The following KLHL32 variants were observed in gnomAD, a reference collection of about 807,000 sequenced individuals.
KLHL32 encodes the protein kelch-like protein 32.
Under a neutral mutation model 64.8 loss-of-function variants are expected in KLHL32, and 35 were observed. The observed-to-expected ratio is 0.54, with a 90% CI of 0.41 to 0.72. The LOEUF is 0.72. Ranked by LOEUF, KLHL32 falls within the 30% of genes least tolerant of loss-of-function variation. KLHL32 has a pLI of 0.00. For missense variants in KLHL32, 589 were observed against 768.5 expected (o/e 0.77, Z 2.76); for synonymous variants, 259 against 281.0 (o/e 0.92, Z 0.78).
intron 4 of KLHL32, among the ~76,000 whole-genome samples, chr6:97,046,147 G>T (rs989822301): frequency 4.6e-5 from 7 of 152,148 alleles, no homozygotes; most frequent in African/African-American, 1.4e-4. Flanking sequence ...CAGGAAGGGG[G>T]CTGACATTTC....
chr6:96,932,691 C>T (rs928491164), intron 1 of KLHL32, among the ~76,000 whole-genome samples: 14 of 151,602 alleles, frequency 9.2e-5, no homozygotes, highest in African/African-American at 3.2e-4. Flanking sequence ...CTCAGTCTCC[C>T]ATGTAGTTGG....
chr6:97,038,680 A>T (rs1414244371), intron 3 of KLHL32, among the ~76,000 whole-genome samples: 2 of 151,984 alleles, frequency 1.3e-5, no homozygotes, highest in African/African-American at 4.8e-5. Flanking sequence ...AAAGAAGGGA[A>T]ATCAGTATAT....
At chr6:96,976,389 C>T (rs1301412164) in intron 3 of KLHL32, among the ~76,000 whole-genome samples, 1 of 152,018 alleles carries the variant, frequency 6.6e-6, no homozygotes, top group African/African-American at 2.4e-5. Context: ...TAGAACAGAC[C>T]TCCCTTGGCA....
intron 1 of KLHL32, among the ~76,000 whole-genome samples, chr6:96,964,896 TGTAA>T: frequency 6.6e-6 from 1 of 152,212 alleles, no homozygotes; most frequent in Non-Finnish European, 1.5e-5. Context: ...CATGTACATG[TGTAA>T]GTTTGTTACA....
At chr6:97,078,431 G>C (rs1421138637) in intron 5 of KLHL32, among the ~76,000 whole-genome samples, 2 of 152,126 alleles carry the variant, frequency 1.3e-5, no homozygotes, top group Non-Finnish European at 2.9e-5. Flanking sequence ...GGAAATGAAA[G>C]ATTATAATTA....
chr6:97,120,494 C>T (rs1323170680), intron 7 of KLHL32, among the ~76,000 whole-genome samples: 1 of 152,084 alleles, frequency 6.6e-6, no homozygotes, highest in Non-Finnish European at 1.5e-5. Flanking sequence ...AAATTTCTGT[C>T]GTTTTATGGT....
chr6:97,118,437 G>A (rs1798029269), intron 7 of KLHL32, among the ~76,000 whole-genome samples: 1 of 151,956 alleles, frequency 6.6e-6, no homozygotes, highest in African/African-American at 2.4e-5. Context: ...TGGCCAGCAT[G>A]GTGAAACCCC....
At position 96,943,099 on chromosome 6, in the gene KLHL32, T is replaced by TACATATAC. The variant is rs377070555; in HGVS notation, c.-66+18087_-66+18094dup. On this transcript the variant is annotated intron_variant, in intron 1 of 10. Transcript: ENST00000369261. ...GTACATACACACACATATATGCACATACATATACACATATACACATACCAG... is the reference window on the plus strand; with the variant it reads ...GTACATACACACACATATATGCACATACATATACACATATACACATATACACATACCAG... Among the ~76,000 whole-genome samples the TACATATAC allele has an allele frequency of 1.9e-3, 283 of 150,722 alleles. 2 individuals are homozygous for TACATATAC. Among genetic ancestry groups the TACATATAC allele is most frequent in the African/African-American group, 6.7e-3 (276 of 41,084 alleles).
In KLHL32 at chr6:97,048,021, A is replaced by T. The variant is rs78355936; in HGVS notation, c.312+6422A>T. 9.6e-3 allele frequency among the ~76,000 whole-genome samples: 1,459 copies of T among 152,314 alleles called. 27 individuals carry two copies. Among genetic ancestry groups the T allele is most frequent in the African/African-American group, 0.034 (1,403 of 41,562 alleles). On this transcript the variant is annotated intron_variant, in intron 4 of 10. Transcript: ENST00000369261. ...AAGGAATATACACTATATGCCAAGC[A>T]CTGTGATAAATACCTTACATGTAGT... is the stretch of plus-strand genomic sequence containing the variant.
At chr6:97,027,172 A>AG (rs1416150169) in intron 3 of KLHL32, among the ~76,000 whole-genome samples, 4 of 151,880 alleles carry the variant, frequency 2.6e-5, no homozygotes, top group African/African-American at 9.7e-5. Context: ...AAAAAAAAAA[A>AG]AAAAAGAAAA....
At chr6:96,954,153 C>T (rs1772971616) in intron 1 of KLHL32, among the ~76,000 whole-genome samples, 2 of 152,038 alleles carry the variant, frequency 1.3e-5, no homozygotes, top group African/African-American at 4.8e-5. Context: ...GGAAAACATC[C>T]TCTAATAACT....
intron 1 of KLHL32, among the ~76,000 whole-genome samples, chr6:96,950,821 G>A (rs1772482882): frequency 6.6e-6 from 1 of 152,106 alleles, no homozygotes; most frequent in South Asian, 2.1e-4. Flanking sequence ...ACAAGACAAG[G>A]GCATTTCACA....
chr6:96,980,458 C>T (rs1386769917), intron 3 of KLHL32, among the ~76,000 whole-genome samples: 1 of 151,798 alleles, frequency 6.6e-6, no homozygotes, highest in African/African-American at 2.4e-5. Context: ...TGTGATGAAT[C>T]ACATTTATTT....
chr6:97,006,259 A>T (rs887489652), intron 3 of KLHL32, among the ~76,000 whole-genome samples: 1 of 152,098 alleles, frequency 6.6e-6, no homozygotes, highest in Admixed American at 6.6e-5. Flanking sequence ...CCATTAGGTA[A>T]TGCTCTTCTT....
chr6:97,085,029 G>A, intron 5 of KLHL32, 97 bp from the exon 6 acceptor site: 2 of 983,714 alleles, frequency 2.0e-6, no homozygotes, highest in Non-Finnish European at 3.1e-6. Context: ...CCACCACTGT[G>A]ATGAAAACCT....
chr6:97,015,036 C>T (rs1780963261), intron 3 of KLHL32, among the ~76,000 whole-genome samples: 2 of 152,240 alleles, frequency 1.3e-5, no homozygotes, highest in South Asian at 4.1e-4. Context: ...TTATATGGGG[C>T]TCTTTTTCCT....
chr6:97,104,352 CT>C (rs34186945), intron 6 of KLHL32, among the ~76,000 whole-genome samples: 2,806 of 152,224 alleles, frequency 0.018, 87 homozygotes, highest in African/African-American at 0.064. Flanking sequence ...GTTGCAAGGG[CT>C]TTTCGCTTTT....
chr6:97,033,319 T>C (rs988004909), intron 3 of KLHL32, among the ~76,000 whole-genome samples: 2 of 152,188 alleles, frequency 1.3e-5, no homozygotes, highest in African/African-American at 4.8e-5. Context: ...CATAATGTCG[T>C]CCAAGTTCAT....
chr6:97,035,260 C>G (rs1012605454), intron 3 of KLHL32, among the ~76,000 whole-genome samples: 3 of 152,066 alleles, frequency 2.0e-5, no homozygotes, highest in Non-Finnish European at 4.4e-5. Flanking sequence ...ACCACCTCCC[C>G]CAAACTTTGT....
Sources: gnomAD v4.1 joint callset for allele counts (sites outside exome capture counted in the v4.1 genomes callset) on GRCh38, gnomAD v4.1.1 for gene constraint, MANE v1.5 for transcripts, NCBI Gene and HGNC (gene_info 2026-07-23, HGNC 2026-07-21) for gene names.